The following PRKN variants were observed in gnomAD, a reference collection of about 807,000 sequenced individuals.
The protein encoded by PRKN is E3 ubiquitin-protein ligase parkin.
A neutral mutation model predicts 59.5 loss-of-function variants in PRKN; 56 were observed. That is an observed-to-expected ratio of 0.94 (90% CI 0.76 to 1.18). The LOEUF (loss-of-function observed/expected upper bound fraction) is 1.18. PRKN is among the 50% of genes most tolerant of loss of function. The probability of loss-of-function intolerance (pLI) is 0.00; values close to 1 mark genes in which losing one functional copy is unlikely to be tolerated. For missense variants in PRKN, 657 were observed against 596.4 expected (o/e 1.10, Z -1.06); for synonymous variants, 250 against 222.1 (o/e 1.13, Z -1.12).
At chr6:161,914,614 C>G (rs927513338) in intron 6 of PRKN, among the ~76,000 whole-genome samples, 1 of 151,970 alleles carries the variant, frequency 6.6e-6, no homozygotes, top group Admixed American at 6.6e-5. Flanking sequence ...CTGCCATAAC[C>G]CAAAGCACAA....
chr6:162,313,984 C>CAAATG (rs1156382935), intron 2 of PRKN, among the ~76,000 whole-genome samples: 1 of 152,060 alleles, frequency 6.6e-6, no homozygotes, highest in African/African-American at 2.4e-5. Context: ...CATTGTTAGG[C>CAAATG]ACAACTGACA....
intron 1 of PRKN, among the ~76,000 whole-genome samples, chr6:162,511,460 G>A (rs1428835186): frequency 1.3e-5 from 2 of 152,034 alleles, no homozygotes; most frequent in Non-Finnish European, 2.9e-5. Context: ...AATGTCTACA[G>A]TGTTTTCCTT....
chr6:161,619,208 GTAAAGC>G (rs1315112769), intron 7 of PRKN, among the ~76,000 whole-genome samples: 16 of 141,906 alleles, frequency 1.1e-4, no homozygotes, highest in Non-Finnish European at 7.5e-5. Context: ...TGGCAAGCCT[GTAAAGC>G]AAGCCTTTAC....
intron 7 of PRKN, among the ~76,000 whole-genome samples, chr6:161,605,852 C>A (rs1358226517): frequency 6.6e-6 from 1 of 152,042 alleles, no homozygotes; most frequent in Non-Finnish European, 1.5e-5. Context: ...GAAATTACAA[C>A]CCTCTGATGA....
chr6:161,733,709 A>C (rs1397025613), intron 7 of PRKN, among the ~76,000 whole-genome samples: 3 of 149,768 alleles, frequency 2.0e-5, no homozygotes, highest in Admixed American at 6.7e-5. Flanking sequence ...AAAAATAGTG[A>C]CTTGGGGTCA....
chr6:162,696,411 G>C (rs1435192908), intron 1 of PRKN, among the ~76,000 whole-genome samples: 5 of 152,010 alleles, frequency 3.3e-5, no homozygotes, highest in Non-Finnish European at 7.4e-5. Flanking sequence ...GAGGAGGTAG[G>C]TGTGTTCCTG....
chr6:162,506,363 AGAGAAATGTCTAGCAAGCTAAAGACT>A (rs1681244720), intron 1 of PRKN, among the ~76,000 whole-genome samples: 1 of 151,986 alleles, frequency 6.6e-6, no homozygotes, highest in South Asian at 2.1e-4. Flanking sequence ...ATCATGTGGT[AGAGAAATGTCTAGCAAGCTAAAGACT>A]GAGAAGAGAC....
At chr6:162,717,938 A>T (rs1778790657) in intron 1 of PRKN, among the ~76,000 whole-genome samples, 1 of 152,246 alleles carries the variant, frequency 6.6e-6, no homozygotes. Flanking sequence ...TTTCCAAAAC[A>T]TTATACGCTT....
At chr6:162,626,805 C>T (rs1028451637) in intron 1 of PRKN, among the ~76,000 whole-genome samples, 9 of 112,222 alleles carry the variant, frequency 8.0e-5, no homozygotes, top group Non-Finnish European at 1.6e-4. Flanking sequence ...CACAGCGAGA[C>T]TCTGTCTCCA....
intron 1 of PRKN, among the ~76,000 whole-genome samples, chr6:162,632,912 A>C (rs2846513): frequency 0.92 from 139,430 of 152,106 alleles, 64,062 homozygotes; most frequent in Admixed American, 0.97. Context: ...TTCCTGCTGG[A>C]AAACATAAGC....
intron 1 of PRKN, among the ~76,000 whole-genome samples, chr6:162,498,377 T>G (rs892660459): frequency 6.9e-6 from 1 of 145,844 alleles, no homozygotes; most frequent in African/African-American, 2.5e-5. Flanking sequence ...GCAGAATCAT[T>G]TTTTTTCTTT....
At chr6:162,182,466 G>A (rs915983288) in intron 4 of PRKN, among the ~76,000 whole-genome samples, 2 of 152,166 alleles carry the variant, frequency 1.3e-5, no homozygotes, top group African/African-American at 4.8e-5. Context: ...GGGCGGGGTG[G>A]ATCTACCGGG....
At chr6:161,908,627 G>T (rs1317939191) in intron 6 of PRKN, among the ~76,000 whole-genome samples, 2 of 151,164 alleles carry the variant, frequency 1.3e-5, no homozygotes. Flanking sequence ...ATCCAGATTG[G>T]TATGTAATTA....
rs1362884250 is a variant in PRKN at position 161,548,533 on chromosome 6, A to T, written c.1083+321T>A. On this transcript the variant is annotated intron_variant, in intron 9 of 11. Coordinates refer to ENST00000366898, the MANE Select transcript of PRKN (RefSeq NM_004562.3). This position sits in a 1 kb window ranked among gnomAD's most constrained non-coding sequence, Gnocchi z 4.2. ...TTAAAGGCAACTCTGAAGAAAGAAT[A>T]AATTTTTGCTCTGCATCAGCTGAGT... 6.6e-6 allele frequency among the ~76,000 whole-genome samples: 1 copy of T among 152,210 alleles called. No individual in the cohort carries two copies. The highest frequency in any genetic ancestry group is 1.9e-4 in the East Asian group (1 of 5,192).
At chr6:162,389,132 C>A (rs577764226) in intron 2 of PRKN, among the ~76,000 whole-genome samples, 18 of 152,076 alleles carry the variant, frequency 1.2e-4, no homozygotes, top group African/African-American at 4.3e-4. Context: ...GTGAGTCCTG[C>A]CAAAGTGCAG....
chr6:162,106,368 A>G (rs970891260), intron 4 of PRKN, among the ~76,000 whole-genome samples: 2 of 151,942 alleles, frequency 1.3e-5, no homozygotes, highest in African/African-American at 4.8e-5. Flanking sequence ...AACTCTGGGG[A>G]ACAGAACTGA....
At chr6:161,367,434 G>C (rs1233802432) in intron 10 of PRKN, among the ~76,000 whole-genome samples, 1 of 151,780 alleles carries the variant, frequency 6.6e-6, no homozygotes, top group Non-Finnish European at 1.5e-5. Flanking sequence ...GAGAGTTAGG[G>C]GTTACGGTGT....
intron 1 of PRKN, among the ~76,000 whole-genome samples, chr6:162,481,663 C>T (rs1053516573): frequency 1.3e-5 from 2 of 152,166 alleles, no homozygotes; most frequent in Non-Finnish European, 2.9e-5. Flanking sequence ...TGCAGCTCCA[C>T]TAATCTATTA....
At chr6:161,623,860 T>G (rs1363389495) in intron 7 of PRKN, among the ~76,000 whole-genome samples, 1 of 152,208 alleles carries the variant, frequency 6.6e-6, no homozygotes, top group Non-Finnish European at 1.5e-5. Flanking sequence ...CAGTAAACAT[T>G]TGGTTACGGT....
Sources: allele counts gnomAD v4.1 joint callset (sites outside exome capture counted in the v4.1 genomes callset), GRCh38; gene constraint gnomAD v4.1.1; non-coding constraint Gnocchi (gnomAD v3.1); transcripts MANE v1.5; gene names NCBI Gene and HGNC (gene_info 2026-07-23, HGNC 2026-07-21).